Variants in MYO16 observed in about 807,000 individuals in gnomAD.
The protein encoded by MYO16 is unconventional myosin-XVI.
A neutral mutation model predicts 205.3 loss-of-function variants in MYO16; 94 were observed. The observed-to-expected ratio is 0.46, with a 90% CI of 0.39 to 0.54. MYO16 has a LOEUF of 0.54. MYO16 is among the 20% of genes least tolerant of loss of function. The pLI is 0.00. For missense variants in MYO16, 2,315 were observed against 2,387.5 expected (o/e 0.97, Z 0.63); for synonymous variants, 988 against 954.0 (o/e 1.04, Z -0.66).
chr13:108,832,144 AT>A (rs10635580), intron 9 of MYO16, among the ~76,000 whole-genome samples: 35 of 134,582 alleles, frequency 2.6e-4, no homozygotes, highest in African/African-American at 6.1e-4. Flanking sequence ...TTCCGTATGG[AT>A]TTTTTTTTTT....
intron 1 of MYO16, among the ~76,000 whole-genome samples, chr13:108,636,219 T>C (rs1880217858): frequency 6.6e-6 from 1 of 152,198 alleles, no homozygotes; most frequent in Non-Finnish European, 1.5e-5. Context: ...TTTTGATAAC[T>C]TTTGAGATAT....
At chr13:109,130,754 T>A (rs994225467) in intron 31 of MYO16, among the ~76,000 whole-genome samples, 3 of 152,226 alleles carry the variant, frequency 2.0e-5, no homozygotes, top group Non-Finnish European at 2.9e-5. Context: ...ATGAAATTGA[T>A]CCTAGCATGT....
chr13:108,792,981 T>C (rs1319646878), intron 5 of MYO16, among the ~76,000 whole-genome samples: 1 of 152,332 alleles, frequency 6.6e-6, no homozygotes, highest in Non-Finnish European at 1.5e-5. Context: ...CAGATATTAA[T>C]TGAAAACCTG....
Position 108,972,351 on chromosome 13 carries a change from C to CAT in MYO16, c.2369+7495_2369+7496dup, listed in dbSNP as rs869041443. The stretch of plus-strand genomic sequence containing the variant: ...CCATCTATATATATATATATATAGC[C>CAT]ATATATATATATATATATATATATA... On this transcript the variant is annotated intron_variant, in intron 20 of 34. Transcript: ENST00000457511. 1.4e-3 allele frequency among the ~76,000 whole-genome samples: 24 copies of CAT among 17,450 alleles called. 1 individual carries two copies. Among genetic ancestry groups the CAT allele is most frequent in the South Asian group, 5.2e-3 (1 of 192 alleles). The allele number at this position is 17,450 out of a possible 152,430, so 11.4% of individuals were successfully genotyped here.
At chr13:108,534,888 CTCTT>C in the MYO16 span, among the ~76,000 whole-genome samples, 4 of 147,976 alleles carry the variant, frequency 2.7e-5, no homozygotes, top group East Asian at 8.0e-4. Flanking sequence ...TCTTCTTCTC[CTCTT>C]TCTTCTTCTC....
chr13:109,018,335 G>T (rs1885899393), intron 22 of MYO16, among the ~76,000 whole-genome samples: 1 of 151,612 alleles, frequency 6.6e-6, no homozygotes, highest in Admixed American at 6.6e-5. Context: ...AGCAAATATT[G>T]CTGCCTGATC....
chr13:108,922,792 T>C (rs755393993), intron 16 of MYO16, among the ~76,000 whole-genome samples: 8 of 152,364 alleles, frequency 5.3e-5, no homozygotes, highest in Middle Eastern at 3.4e-3. Context: ...TATGCCATAA[T>C]AGGAATTAGC....
At chr13:109,028,359 GAAAAC>G (rs1886431833) in intron 23 of MYO16, 1 of 277,426 alleles carries the variant, frequency 3.6e-6, no homozygotes, top group Non-Finnish European at 7.2e-6. Flanking sequence ...AGAGAAAACA[GAAAAC>G]AAAATGTTTT....
intron 2 of MYO16, among the ~76,000 whole-genome samples, chr13:108,686,450 G>A (rs902917970): frequency 2.0e-5 from 3 of 152,200 alleles, no homozygotes; most frequent in Admixed American, 2.0e-4. Flanking sequence ...TGAGATCCAG[G>A]TAGGAATATA....
Position 108,992,357 on chromosome 13 carries a change from G to C in MYO16, c.2370-19G>C, listed in dbSNP as rs1313306020. The C allele has an allele frequency of 4.4e-6, 7 of 1,589,098 alleles. No homozygotes were observed. Among genetic ancestry groups the C allele is most frequent in the Non-Finnish European group, 6.0e-6 (7 of 1,160,976 alleles). On this transcript the variant is annotated intron_variant, in intron 20 of 34. Coordinates refer to ENST00000457511, the MANE Select transcript of MYO16 (RefSeq NM_001198950.3). Reference sequence around the variant, plus strand: ...GTTTTAAGGATGCCCATTTATCCTGGTGTATTGTTTTGTTTCAGCATGCAG... The same window carrying C: ...GTTTTAAGGATGCCCATTTATCCTGCTGTATTGTTTTGTTTCAGCATGCAG...
intron 13 of MYO16, among the ~76,000 whole-genome samples, chr13:108,885,286 A>C (rs1309042286): frequency 6.6e-6 from 1 of 152,066 alleles, no homozygotes; most frequent in Non-Finnish European, 1.5e-5. Context: ...CGCCCGGCTA[A>C]TTTTGTATTT....
At chr13:108,842,493 C>T (rs1169192062) in intron 9 of MYO16, among the ~76,000 whole-genome samples, 1 of 151,924 alleles carries the variant, frequency 6.6e-6, no homozygotes, top group Non-Finnish European at 1.5e-5. Context: ...ACAATTTTGT[C>T]CAACAGGTAT....
chr13:109,028,833 C>CACTAT (rs1170578200), intron 23 of MYO16, among the ~76,000 whole-genome samples: 1 of 151,708 alleles, frequency 6.6e-6, no homozygotes, highest in East Asian at 1.9e-4. Flanking sequence ...GGAATCACAT[C>CACTAT]ACTAAAACGT....
chr13:108,539,644 C>G, the MYO16 span, among the ~76,000 whole-genome samples: 1 of 151,982 alleles, frequency 6.6e-6, no homozygotes. Context: ...TAATGGCATG[C>G]TTATGGAGAA....
intron 7 of MYO16, among the ~76,000 whole-genome samples, chr13:108,818,978 C>T (rs778850923): frequency 2.0e-5 from 3 of 152,046 alleles, no homozygotes; most frequent in Non-Finnish European, 2.9e-5. Context: ...TTAAGTAGAA[C>T]GTAGAGCAGC....
intron 7 of MYO16, among the ~76,000 whole-genome samples, chr13:108,810,582 T>C (rs1221363185): frequency 6.6e-6 from 1 of 152,224 alleles, no homozygotes; most frequent in Admixed American, 6.5e-5. Flanking sequence ...CTCAAAAAGA[T>C]GTCATTTAGT....
At chr13:108,813,393 C>T (rs1469612538) in intron 7 of MYO16, among the ~76,000 whole-genome samples, 2 of 152,074 alleles carry the variant, frequency 1.3e-5, no homozygotes, top group African/African-American at 4.8e-5. Context: ...TATGCAAGTA[C>T]TGAGTTTCTG....
chr13:109,154,030 T>C (rs1877844161), intron 32 of MYO16, among the ~76,000 whole-genome samples: 1 of 152,182 alleles, frequency 6.6e-6, no homozygotes, highest in South Asian at 2.1e-4. Context: ...CTCCAGCCAA[T>C]CTACCACCAG....
At chr13:108,881,416 A>G (rs1008932879) in intron 12 of MYO16, among the ~76,000 whole-genome samples, 11 of 152,242 alleles carry the variant, frequency 7.2e-5, no homozygotes, top group African/African-American at 2.7e-4. Context: ...CCTCGCCAGC[A>G]ATGGAACAAA....
Sources: allele counts gnomAD v4.1 joint callset (sites outside exome capture counted in the v4.1 genomes callset), GRCh38; gene constraint gnomAD v4.1.1; transcripts MANE v1.5; gene names NCBI Gene and HGNC (gene_info 2026-07-23, HGNC 2026-07-21).